DLG2: variants seen among roughly 807,000 people sequenced by gnomAD.
The protein encoded by DLG2 is discs large MAGUK scaffold protein 2, also known as disks large homolog 2.
In DLG2, 45 loss-of-function variants were observed where a neutral mutation model predicts 132.5. The observed-to-expected ratio is 0.34, with a 90% CI of 0.27 to 0.44. The LOEUF is 0.44. Among genes scored for constraint, DLG2 ranks in the 20% least tolerant of loss-of-function variants. The pLI, the probability that DLG2 is intolerant of heterozygous loss-of-function variation, is 1.00. For synonymous variants in DLG2, 424 were observed against 419.6 expected (o/e 1.01, Z -0.13); for missense variants, 1,045 against 1,196.9 (o/e 0.87, Z 1.87).
At chr11:85,061,684 TAAGA>T (rs1474425074) in intron 6 of DLG2, among the ~76,000 whole-genome samples, 1 of 151,908 alleles carries the variant, frequency 6.6e-6, no homozygotes, top group Non-Finnish European at 1.5e-5. Flanking sequence ...GGCCAAATCC[TAAGA>T]AATTGTGAAC....
At chr11:83,555,290 CTT>C (rs1462897536) in intron 19 of DLG2, among the ~76,000 whole-genome samples, 1 of 152,230 alleles carries the variant, frequency 6.6e-6, no homozygotes, top group African/African-American at 2.4e-5. Flanking sequence ...ATGAAGGATA[CTT>C]TCTCTTTTTA....
intron 4 of DLG2, among the ~76,000 whole-genome samples, chr11:85,170,216 G>T (rs902066119): frequency 3.3e-5 from 5 of 152,184 alleles, no homozygotes; most frequent in Non-Finnish European, 5.9e-5. Flanking sequence ...ATGATCTAAT[G>T]GTAATAGACT....
chr11:84,472,154 G>T (rs2099110113), intron 7 of DLG2, among the ~76,000 whole-genome samples: 1 of 151,762 alleles, frequency 6.6e-6, no homozygotes, highest in Non-Finnish European at 1.5e-5. Context: ...AGTTCGTATT[G>T]CTATCTTATG....
intron 16 of DLG2, among the ~76,000 whole-genome samples, chr11:83,842,730 G>A (rs933407053): frequency 3.3e-5 from 5 of 150,886 alleles, no homozygotes; most frequent in African/African-American, 1.2e-4. Context: ...GCAGGAGAAT[G>A]GCGTGAACCT....
chr11:83,486,105 T>A, intron 21 of DLG2: 1 of 572,788 alleles, frequency 1.7e-6, no homozygotes, highest in Non-Finnish European at 3.1e-6. Context: ...CAATTGTAAT[T>A]TAGGGTTGGT....
chr11:85,097,348 C>G (rs918370270), intron 6 of DLG2, among the ~76,000 whole-genome samples: 3 of 152,198 alleles, frequency 2.0e-5, no homozygotes, highest in Non-Finnish European at 4.4e-5. Context: ...TCTCCTCAGA[C>G]TAGCAGGCCT....
chr11:84,256,705 T>G (rs1003759645), intron 7 of DLG2, among the ~76,000 whole-genome samples: 3 of 152,164 alleles, frequency 2.0e-5, no homozygotes, highest in African/African-American at 7.2e-5. Flanking sequence ...TCTTGTCTAT[T>G]TAGAGGGACA....
chr11:85,162,086 G>A (rs1346464879), intron 4 of DLG2, among the ~76,000 whole-genome samples: 2 of 152,128 alleles, frequency 1.3e-5, no homozygotes, highest in Admixed American at 6.6e-5. Context: ...ATTGCCACCT[G>A]GACACTTTGG....
At chr11:85,019,082 G>T (rs1259494518) in intron 6 of DLG2, among the ~76,000 whole-genome samples, 1 of 152,184 alleles carries the variant, frequency 6.6e-6, no homozygotes, top group Non-Finnish European at 1.5e-5. Flanking sequence ...AACTAAATGA[G>T]ATTGCCTTTG....
chr11:84,852,604 G>C (rs558039055), intron 6 of DLG2, among the ~76,000 whole-genome samples: 31 of 151,776 alleles, frequency 2.0e-4, no homozygotes, highest in African/African-American at 7.2e-4. Flanking sequence ...CAGAAAAAAA[G>C]TTCTTCACTA....
Position 83,849,505 on chromosome 11 carries a change from T to C in DLG2, c.1566-15735A>G, listed in dbSNP as rs560899498. Among the ~76,000 whole-genome samples the C allele has an allele frequency of 1.8e-4, 27 of 151,744 alleles. No homozygotes were observed. The South Asian group carries it at 5.2e-3, about 29-fold the overall frequency. On this transcript the variant is annotated intron_variant, in intron 16 of 27. Transcript: ENST00000376104. ...AGACATAAATATAGAGACATAGATA[T>C]TTGAAACGAAATGTAGAATAATAAA...
rs189504020 is a variant in DLG2 at position 83,705,654 on chromosome 11, C to A, written c.1826-72329G>T. Among the ~76,000 whole-genome samples, 8 of 152,202 alleles carry A rather than the reference C, an allele frequency of 5.3e-5. No homozygotes were observed. In the East Asian group the frequency reaches 1.5e-3, roughly 29 times the overall value. On this transcript the variant is annotated intron_variant, in intron 18 of 27. Coordinates refer to ENST00000376104, the MANE Select transcript of DLG2 (RefSeq NM_001142699.3). ...ATTTAAAAAGAACAACAAAATAAAT[C>A]TAAGAATATAATCCTATATCAATTA... is the stretch of plus-strand genomic sequence containing the variant.
At chr11:85,481,475 T>C (rs996611764) in intron 3 of DLG2, among the ~76,000 whole-genome samples, 1 of 152,068 alleles carries the variant, frequency 6.6e-6, no homozygotes, top group Non-Finnish European at 1.5e-5. Context: ...ACATTACCCA[T>C]TTCACCCAAC....
intron 6 of DLG2, among the ~76,000 whole-genome samples, chr11:84,684,179 C>G (rs1362119204): frequency 6.6e-6 from 1 of 152,128 alleles, no homozygotes. Context: ...ATATCAAGGA[C>G]TGAAAAAATG....
intron 8 of DLG2, among the ~76,000 whole-genome samples, chr11:84,175,124 G>A (rs1398773100): frequency 6.6e-6 from 1 of 152,140 alleles, no homozygotes; most frequent in Non-Finnish European, 1.5e-5. Context: ...TAGGGATGGA[G>A]AAAGAAATGG....
chr11:84,373,249 C>CAAAAAAAAAAACAAAAAAAA (rs1459550146), intron 7 of DLG2, among the ~76,000 whole-genome samples: 1 of 41,664 alleles, frequency 2.4e-5, no homozygotes, highest in African/African-American at 1.3e-4. Flanking sequence ...AAGAAACAGT[C>CAAAAAAAAAAACAAAAAAAA]AAAAAAAAAA....
chr11:84,252,391 G>A (rs1027123099), intron 7 of DLG2, among the ~76,000 whole-genome samples: 2 of 151,270 alleles, frequency 1.3e-5, no homozygotes, highest in Admixed American at 6.6e-5. Flanking sequence ...CTCGTGATTC[G>A]CCCGCCTCAG....
chr11:84,982,228 T>C (rs965056447), intron 6 of DLG2, among the ~76,000 whole-genome samples: 3 of 150,244 alleles, frequency 2.0e-5, no homozygotes, highest in Admixed American at 1.3e-4. Flanking sequence ...ACTTCAAACA[T>C]AGTCCCCTTC....
At chr11:83,809,429 A>G (rs1184901724) in intron 17 of DLG2, among the ~76,000 whole-genome samples, 3 of 152,114 alleles carry the variant, frequency 2.0e-5, no homozygotes, top group Admixed American at 2.0e-4. Flanking sequence ...GCTTCTGGAG[A>G]AACTCCTTAG....
Sources: gnomAD v4.1 joint callset for allele counts (sites outside exome capture counted in the v4.1 genomes callset) on GRCh38, gnomAD v4.1.1 for gene constraint, MANE v1.5 for transcripts, NCBI Gene and HGNC (gene_info 2026-07-23, HGNC 2026-07-21) for gene names.